Variants in CCDC141 observed in about 807,000 individuals in gnomAD.
CCDC141 encodes the protein coiled-coil domain containing 141.
Under a neutral mutation model 181.0 loss-of-function variants are expected in CCDC141, and 168 were observed. The observed-to-expected ratio is 0.93, with a 90% CI of 0.82 to 1.05. The LOEUF (loss-of-function observed/expected upper bound fraction) is 1.05, where lower values mean the gene tolerates loss of function less well. Among genes scored for constraint, CCDC141 ranks in the 50% least tolerant of loss-of-function variants. CCDC141 has a pLI of 0.00. For missense variants in CCDC141, 1,902 were observed against 1,788.5 expected (o/e 1.06, Z -1.14); for synonymous variants, 666 against 642.3 (o/e 1.04, Z -0.56).
intron 2 of CCDC141, among the ~76,000 whole-genome samples, chr2:179,018,217 TTCAGTAGAGTG>T (rs2042596864): frequency 6.6e-6 from 1 of 152,124 alleles, no homozygotes; most frequent in African/African-American, 2.4e-5. Flanking sequence ...GGACTTTCTC[TTCAGTAGAGTG>T]TTAAATGGTC....
intron 2 of CCDC141, among the ~76,000 whole-genome samples, chr2:179,001,541 A>G (rs2154383419): frequency 6.6e-6 from 1 of 152,296 alleles, no homozygotes; most frequent in South Asian, 2.1e-4. Flanking sequence ...AAAAAATCAT[A>G]AAGTTGAACT....
At chr2:178,841,976 T>C (rs887506898) in intron 22 of CCDC141, among the ~76,000 whole-genome samples, 2 of 152,228 alleles carry the variant, frequency 1.3e-5, no homozygotes, top group Admixed American at 1.3e-4. Context: ...TTTCTAGAAC[T>C]GTCTAGTTTT....
At chr2:178,986,437 ATT>A (rs1183549390) in intron 2 of CCDC141, among the ~76,000 whole-genome samples, 5 of 152,234 alleles carry the variant, frequency 3.3e-5, no homozygotes, top group Non-Finnish European at 7.3e-5. Context: ...CACCACTCCT[ATT>A]CAACATAGTG....
intron 2 of CCDC141, among the ~76,000 whole-genome samples, chr2:179,039,666 C>A (rs945210949): frequency 6.6e-6 from 1 of 152,084 alleles, no homozygotes; most frequent in Non-Finnish European, 1.5e-5. Flanking sequence ...ATTGCAAGAC[C>A]CTGTACATAC....
At chr2:179,010,102 GA>G (rs1195068287) in intron 2 of CCDC141, among the ~76,000 whole-genome samples, 1 of 151,742 alleles carries the variant, frequency 6.6e-6, no homozygotes, top group Non-Finnish European at 1.5e-5. Flanking sequence ...CAAAGACAAA[GA>G]AAAAAGAATA....
intron 8 of CCDC141, among the ~76,000 whole-genome samples, chr2:178,893,555 G>A (rs897319320): frequency 4.0e-5 from 6 of 151,772 alleles, no homozygotes; most frequent in African/African-American, 1.5e-4. Flanking sequence ...CTTTAAAGAT[G>A]GAAAAAAATC....
At chr2:179,042,829 C>T (rs1285239808) in intron 2 of CCDC141, among the ~76,000 whole-genome samples, 2 of 152,038 alleles carry the variant, frequency 1.3e-5, no homozygotes, top group African/African-American at 4.8e-5. Flanking sequence ...GCAAACAACC[C>T]ACTTAAGCTG....
At chr2:178,921,599 G>A (rs1688692413) in intron 6 of CCDC141, among the ~76,000 whole-genome samples, 2 of 151,922 alleles carry the variant, frequency 1.3e-5, no homozygotes, top group Admixed American at 6.6e-5. Context: ...CATCTTTAAT[G>A]TATTAATGTG....
chr2:178,938,854 C>T (rs992703632), intron 6 of CCDC141, among the ~76,000 whole-genome samples: 16 of 152,222 alleles, frequency 1.1e-4, no homozygotes, highest in Middle Eastern at 3.4e-3. Context: ...ACCTGTTTTT[C>T]TCCATGTAGA....
intron 2 of CCDC141, among the ~76,000 whole-genome samples, chr2:179,045,413 T>C (rs2043462604): frequency 6.6e-6 from 1 of 151,662 alleles, no homozygotes; most frequent in Admixed American, 6.6e-5. Context: ...AGTCTATCAT[T>C]GTTGGACATT....
chr2:178,841,671 T>C (rs1684727262), intron 22 of CCDC141, among the ~76,000 whole-genome samples: 1 of 152,166 alleles, frequency 6.6e-6, no homozygotes, highest in African/African-American at 2.4e-5. Context: ...TGAGATGGAG[T>C]TTCACTTTTG....
At chr2:178,988,649 G>A (rs1247233993) in intron 2 of CCDC141, among the ~76,000 whole-genome samples, 3 of 152,072 alleles carry the variant, frequency 2.0e-5, no homozygotes, top group African/African-American at 4.8e-5. Context: ...GACAGAAATT[G>A]AAGAGATAAT....
chr2:179,047,163 A>C, intron 2 of CCDC141, 121 bp downstream of exon 2: 251 of 710,770 alleles, frequency 3.5e-4, no homozygotes, highest in Non-Finnish European at 4.5e-4. Flanking sequence ...TTTTTCCATT[A>C]TCTACCTGGT....
intron 6 of CCDC141, 117 bp from the exon 7 acceptor site, chr2:178,919,024 A>G (rs1226507321): frequency 2.4e-5 from 23 of 952,446 alleles, no homozygotes; most frequent in Non-Finnish European, 3.2e-5. Flanking sequence ...ATTAGGAAGT[A>G]GGGCTTTGGG....
intron 8 of CCDC141, among the ~76,000 whole-genome samples, chr2:178,890,860 A>G (rs1687114716): frequency 6.6e-6 from 1 of 152,112 alleles, no homozygotes; most frequent in Admixed American, 6.6e-5. Context: ...AATAGCTACT[A>G]TTTAATACAT....
At chr2:178,918,979 T>C in intron 6 of CCDC141, 72 bp from the exon 7 acceptor site, 3 of 1,322,636 alleles carry the variant, frequency 2.3e-6, no homozygotes, top group South Asian at 1.4e-5. Flanking sequence ...CCCCCCGAAA[T>C]TCCTCTGCTG....
At chr2:178,983,842 G>A (rs890884619) in intron 2 of CCDC141, among the ~76,000 whole-genome samples, 26 of 151,230 alleles carry the variant, frequency 1.7e-4, no homozygotes, top group African/African-American at 6.1e-4. Context: ...CATCTGATTG[G>A]TGTACCTGAA....
intron 2 of CCDC141, among the ~76,000 whole-genome samples, chr2:179,038,092 C>T (rs2043194136): frequency 1.3e-5 from 2 of 152,154 alleles, no homozygotes; most frequent in South Asian, 4.1e-4. Context: ...TCATAAGGGC[C>T]AAAAAGTGGA....
At chr2:178,918,935 T>A in intron 6 of CCDC141, 28 bp from the exon 7 acceptor site, 1 of 1,534,382 alleles carries the variant, frequency 6.5e-7, no homozygotes, top group Non-Finnish European at 8.8e-7. Flanking sequence ...TATTATTTTA[T>A]ACATCTCCTC....
Sources: allele counts gnomAD v4.1 joint callset (sites outside exome capture counted in the v4.1 genomes callset), GRCh38; gene constraint gnomAD v4.1.1; transcripts MANE v1.5; gene names NCBI Gene and HGNC (gene_info 2026-07-23, HGNC 2026-07-21).